The following AADAT variants were observed in gnomAD, a reference collection of about 807,000 sequenced individuals.
AADAT encodes kynurenine/alpha-aminoadipate aminotransferase, mitochondrial.
Under a neutral mutation model 56.2 loss-of-function variants are expected in AADAT, and 25 were observed. That is an observed-to-expected ratio of 0.44 (90% CI 0.32 to 0.62). AADAT has a LOEUF of 0.62. Among genes scored for constraint, AADAT ranks in the 20% least tolerant of loss-of-function variants. The pLI, the probability that AADAT is intolerant of heterozygous loss-of-function variation, is 0.04. For missense variants in AADAT, 387 were observed against 510.5 expected (o/e 0.76, Z 2.33); for synonymous variants, 173 against 164.7 (o/e 1.05, Z -0.39).
At position 170,064,258 on chromosome 4, in the gene AADAT, A is replaced by T. The variant is rs539344154; in HGVS notation, c.1134+461T>A. ...TTCATTTTAAATACTAGTGGCTAATACTTACTGAGCACTGAGTATGTGCCA... is the reference window on the plus strand; with the variant it reads ...TTCATTTTAAATACTAGTGGCTAATTCTTACTGAGCACTGAGTATGTGCCA... On this transcript the variant is annotated intron_variant, in intron 11 of 12. Transcript: ENST00000337664. Among the ~76,000 whole-genome samples the T allele has an allele frequency of 3.3e-5, 5 of 152,290 alleles. No individual in the cohort carries two copies. The South Asian group carries it at 1.0e-3, about 32-fold the overall frequency.
chr4:170,085,999 G>GA (rs577074968), intron 3 of AADAT, among the ~76,000 whole-genome samples: 128 of 151,944 alleles, frequency 8.4e-4, no homozygotes, highest in African/African-American at 3.0e-3. Flanking sequence ...AAACAAAGGA[G>GA]AAAATATACC....
upstream of AADAT, among the ~76,000 whole-genome samples, chr4:170,094,036 A>G (rs1359048713): frequency 1.3e-5 from 2 of 152,206 alleles, no homozygotes; most frequent in Non-Finnish European, 2.9e-5. Context: ...CAACCCTTAA[A>G]CAGTTTGCTG....
At chr4:170,061,373 C>T (rs909307550) in intron 12 of AADAT, among the ~76,000 whole-genome samples, 12 of 152,108 alleles carry the variant, frequency 7.9e-5, no homozygotes, top group African/African-American at 2.9e-4. Flanking sequence ...AAATAAAGAA[C>T]ATGCCAAAAA....
chr4:170,092,390 A>G (rs1029384983), upstream of AADAT, among the ~76,000 whole-genome samples: 11 of 152,222 alleles, frequency 7.2e-5, no homozygotes, highest in African/African-American at 2.4e-4. Flanking sequence ...ACTCACCGCC[A>G]AAGTCTGCAG....
chr4:170,082,744 C>G (rs1732376965), intron 3 of AADAT, among the ~76,000 whole-genome samples: 1 of 151,872 alleles, frequency 6.6e-6, no homozygotes. Flanking sequence ...AAAACATATT[C>G]CATGGAATTG....
At chr4:170,079,668 G>T (rs945784037) in intron 3 of AADAT, among the ~76,000 whole-genome samples, 2 of 151,946 alleles carry the variant, frequency 1.3e-5, no homozygotes, top group African/African-American at 4.8e-5. Flanking sequence ...AGGAAGAGGA[G>T]GTGTCAAGAA....
chr4:170,094,290 C>T (rs1732942748), upstream of AADAT, among the ~76,000 whole-genome samples: 1 of 152,170 alleles, frequency 6.6e-6, no homozygotes, highest in African/African-American at 2.4e-5. Context: ...ACAATAGAAG[C>T]TGAAGACTGA....
chr4:170,069,354 C>G (rs959573419), intron 6 of AADAT, 124 bp from the exon 7 acceptor site: 1 of 673,358 alleles, frequency 1.5e-6, no homozygotes. Context: ...ATTCTCTTAC[C>G]TTTATTTCAA....
At position 170,089,726 on chromosome 4, in the gene AADAT, G is replaced by A; in HGVS notation, c.-36C>T. 6 of 1,610,880 alleles carry A rather than the reference G, an allele frequency of 3.7e-6. No homozygotes were observed. The highest frequency in any genetic ancestry group is 4.2e-6 in the Non-Finnish European group (5 of 1,177,318). On this transcript the variant is annotated 5_prime_UTR_variant, in exon 1 of 13. Coordinates refer to ENST00000337664, the MANE Select transcript of AADAT (RefSeq NM_016228.4). ...AGCCAAGCATCAAGCTTCTTCTTCA[G>A]TGGTTGAGGACTAGAAAAACCAAAG... is the stretch of plus-strand genomic sequence containing the variant.
chr4:170,073,434 G>C (rs1283289040), intron 4 of AADAT, 89 bp from the exon 5 acceptor site: 5 of 1,138,672 alleles, frequency 4.4e-6, no homozygotes, highest in Non-Finnish European at 6.1e-6. Flanking sequence ...CTAAGAACTT[G>C]CTCATTCATA....
At chr4:170,092,524 T>A (rs1048684373), upstream of AADAT, among the ~76,000 whole-genome samples, 4 of 151,952 alleles carry the variant, frequency 2.6e-5, no homozygotes, top group Non-Finnish European at 5.9e-5. Flanking sequence ...ACACCGCGAG[T>A]GTCTGCGGCT....
intron 4 of AADAT, among the ~76,000 whole-genome samples, chr4:170,077,950 C>T (rs1453582951): frequency 6.6e-6 from 1 of 152,132 alleles, no homozygotes; most frequent in East Asian, 1.9e-4. Flanking sequence ...GAGTATGCTC[C>T]AGTTGTGGAC....
intron 9 of AADAT, among the ~76,000 whole-genome samples, chr4:170,066,880 G>A (rs1320390148): frequency 6.6e-6 from 1 of 152,062 alleles, no homozygotes; most frequent in African/African-American, 2.4e-5. Context: ...TGTCCTAGGA[G>A]GTACCATATT....
At chr4:170,065,378 A>G (rs1424386212) in intron 10 of AADAT, among the ~76,000 whole-genome samples, 1 of 152,226 alleles carries the variant, frequency 6.6e-6, no homozygotes, top group Non-Finnish European at 1.5e-5. Context: ...GAAATCAAAA[A>G]CAAGCATAAT....
In AADAT at chr4:170,075,196, C is replaced by T. The variant is rs1393963526; in HGVS notation, c.445-1851G>A. Among the ~76,000 whole-genome samples, 6 of 152,092 alleles carry T rather than the reference C, an allele frequency of 3.9e-5. No homozygotes were observed. The South Asian group carries it at 6.2e-4, about 16-fold the overall frequency. On this transcript the variant is annotated intron_variant, in intron 4 of 12. Transcript: ENST00000337664. ...ATATGCACGCTTTATATGTAGACAC[C>T]GGTTTTACATTCATAGACATTATGT...
intron 3 of AADAT, among the ~76,000 whole-genome samples, chr4:170,080,685 C>A (rs576153622): frequency 6.6e-6 from 1 of 152,240 alleles, no homozygotes; most frequent in African/African-American, 2.4e-5. Context: ...CCTTTGGGAC[C>A]TCCCTGATTT....
At chr4:170,064,077 G>C (rs777244826) in intron 11 of AADAT, among the ~76,000 whole-genome samples, 1 of 152,000 alleles carries the variant, frequency 6.6e-6, no homozygotes, top group Non-Finnish European at 1.5e-5. Flanking sequence ...CCAAAATACT[G>C]TAAGAACAAG....
Position 170,088,489 on chromosome 4 carries a change from A to C in AADAT, c.143T>G (p.Phe48Cys). ...TTCTACAGTGATTACGGCAGTCTTA[A>C]AAGGAAACATGTTTGGATTTGGTAA... is the stretch of plus-strand genomic sequence containing the variant. Reference protein sequence around the residue: ...GGLPNPNMFPFKTAVITVENG... With the variant: ...GGLPNPNMFPCKTAVITVENG... Residue 48 changes from phenylalanine (F) to cysteine (C), a missense_variant, in exon 2 of 13, where the codon TTT becomes TGT. Phe to Cys is a radical substitution (Grantham distance 205). Transcript: ENST00000337664. 6.2e-7 allele frequency: 1 copy of C among 1,613,880 alleles called. No individual in the cohort carries two copies. Among genetic ancestry groups the C allele is most frequent in the Non-Finnish European group, 8.5e-7 (1 of 1,179,792 alleles).
At chr4:170,089,032 G>A (rs1421785209) in intron 1 of AADAT, among the ~76,000 whole-genome samples, 3 of 152,176 alleles carry the variant, frequency 2.0e-5, no homozygotes, top group Admixed American at 6.5e-5. Flanking sequence ...CCCAGTTTGT[G>A]GTATTTTGTT....
Sources: allele counts gnomAD v4.1 joint callset (sites outside exome capture counted in the v4.1 genomes callset), GRCh38; gene constraint gnomAD v4.1.1; transcripts MANE v1.5; gene names NCBI Gene and HGNC (gene_info 2026-07-23, HGNC 2026-07-21).